MELK: variants seen among roughly 807,000 people sequenced by gnomAD.
MELK encodes maternal embryonic leucine zipper kinase, also known as pEg3 kinase.
In MELK, 81 loss-of-function variants were observed where a neutral mutation model predicts 85.0. That is an observed-to-expected ratio of 0.95 (90% CI 0.80 to 1.15). The LOEUF is 1.15. Ranked by LOEUF, MELK falls within the 50% of genes most tolerant of loss-of-function variation. MELK has a pLI of 0.00. For missense variants in MELK, 754 were observed against 777.5 expected, an observed-to-expected ratio of 0.97 and a Z score of 0.36; for synonymous variants, 252 against 265.0, an observed-to-expected ratio of 0.95 and a Z score of 0.48.
At chr9:36,623,499 A>G (rs990349353) in intron 8 of MELK, among the ~76,000 whole-genome samples, 2 of 152,210 alleles carry the variant, frequency 1.3e-5, no homozygotes, top group African/African-American at 4.8e-5. Flanking sequence ...CACAGGCCTT[A>G]TGACCCACTT....
intron 8 of MELK, among the ~76,000 whole-genome samples, chr9:36,627,524 CTTTT>C (rs150933274): frequency 7.4e-6 from 1 of 134,492 alleles, no homozygotes. Context: ...CTCTCTCTCT[CTTTT>C]TTTTTTTTTT....
chr9:36,620,690 A>G (rs558321928), intron 8 of MELK, among the ~76,000 whole-genome samples: 80 of 151,680 alleles, frequency 5.3e-4, no homozygotes, highest in Non-Finnish European at 1.0e-3. Flanking sequence ...AGCTGGGACT[A>G]CAGGTGCTCA....
chr9:36,606,402 A>G (rs574071657), intron 7 of MELK, among the ~76,000 whole-genome samples: 14 of 122,554 alleles, frequency 1.1e-4, no homozygotes, highest in Non-Finnish European at 2.1e-4. Context: ...ATACATATGT[A>G]TAGGTGTGTG....
chr9:36,592,837 G>A (rs1025700344), intron 4 of MELK, among the ~76,000 whole-genome samples: 1 of 151,816 alleles, frequency 6.6e-6, no homozygotes, highest in Non-Finnish European at 1.5e-5. Context: ...TACACATTAG[G>A]TATGCAGTTT....
At chr9:36,635,827 C>T (rs552459019) in intron 10 of MELK, among the ~76,000 whole-genome samples, 111 of 143,834 alleles carry the variant, frequency 7.7e-4, no homozygotes, top group African/African-American at 1.1e-3. Flanking sequence ...GATGGAGTCT[C>T]GCTCTGATGC....
chr9:36,619,022 G>A (rs1212488829), intron 8 of MELK, among the ~76,000 whole-genome samples: 1 of 149,740 alleles, frequency 6.7e-6, no homozygotes. Context: ...GCAGTGGCAC[G>A]ATCTCAGCTC....
intron 4 of MELK, among the ~76,000 whole-genome samples, chr9:36,592,290 C>G (rs1369864007): frequency 1.3e-5 from 2 of 151,592 alleles, no homozygotes; most frequent in Non-Finnish European, 2.9e-5. Flanking sequence ...TTTTCCTGCC[C>G]CAGCCTCCTG....
rs1295785868 is a variant in MELK at position 36,602,220 on chromosome 9, C to T, written c.567+2734C>T. Among the ~76,000 whole-genome samples, 11 of 152,078 alleles carry T rather than the reference C, an allele frequency of 7.2e-5. No individual in the cohort carries two copies. The East Asian group carries it at 7.7e-4, about 11-fold the overall frequency. On this transcript the variant is annotated intron_variant, in intron 7 of 17. Transcript: ENST00000298048. ...ACAGGAGTTTCACATGGGCTGGGCG[C>T]GGTGGCTCATGCCTGTAATCCCAGC...
chr9:36,636,728 ATTTCTTTCTTTCTTTCTTTCTTTC>A (rs74181197), intron 10 of MELK, among the ~76,000 whole-genome samples: 1 of 100,932 alleles, frequency 9.9e-6, no homozygotes, highest in African/African-American at 4.1e-5. Context: ...TAGCAACTGG[ATTTCTTTCTTTCTTTCTTTCTTTC>A]TTTCTTTCTT....
Position 36,643,006 on chromosome 9 carries a change from C to A in MELK, c.844C>A (p.Leu282Ile), listed in dbSNP as rs780373461. Residue 282 changes from leucine to isoleucine, a missense_variant, in exon 11 of 18, where the codon CTC (leucine) becomes ATC (isoleucine). Physicochemically the swap from Leu to Ile is conservative, Grantham distance 5. Transcript: ENST00000298048. ...EWQSKNPFIH[L>I]DDDCVTELSV... The stretch of plus-strand genomic sequence containing the variant: ...TAATTTTTTTTTGTAGTTTATTCAC[C>A]TCGATGATGATTGCGTAACAGAACT... 8.7e-6 allele frequency: 14 copies of A among 1,605,420 alleles called. No individual in the cohort carries two copies. Among genetic ancestry groups the A allele is most frequent in the Non-Finnish European group, 1.2e-5 (14 of 1,176,878 alleles).
chr9:36,659,261 C>T (rs1295797185), intron 13 of MELK, among the ~76,000 whole-genome samples: 1 of 152,152 alleles, frequency 6.6e-6, no homozygotes, highest in Non-Finnish European at 1.5e-5. Context: ...GGTGATCTGC[C>T]TGCCTTAGCC....
intron 4 of MELK, among the ~76,000 whole-genome samples, chr9:36,593,176 C>CTTT (rs368674596): frequency 1.3e-4 from 17 of 131,202 alleles, no homozygotes; most frequent in Admixed American, 3.1e-4. Context: ...AGAGCTTCCT[C>CTTT]TTTTTTTTTT....
At chr9:36,596,204 T>C (rs1417580198) in intron 5 of MELK, among the ~76,000 whole-genome samples, 1 of 152,198 alleles carries the variant, frequency 6.6e-6, no homozygotes, top group African/African-American at 2.4e-5. Flanking sequence ...ACAAATTGTG[T>C]TTGCTTGTAG....
intron 11 of MELK, among the ~76,000 whole-genome samples, chr9:36,643,827 G>A (rs1829984939): frequency 6.6e-6 from 1 of 151,828 alleles, no homozygotes; most frequent in South Asian, 2.1e-4. Context: ...TCAGCTACTT[G>A]GGAGGCTGAG....
intron 14 of MELK, among the ~76,000 whole-genome samples, chr9:36,666,567 T>C (rs1832353124): frequency 6.6e-6 from 1 of 152,178 alleles, no homozygotes; most frequent in Non-Finnish European, 1.5e-5. Context: ...CCCCCACCAA[T>C]TGTGACCTTC....
intron 3 of MELK, among the ~76,000 whole-genome samples, chr9:36,588,763 C>G (rs1823220566): frequency 1.3e-5 from 2 of 152,110 alleles, no homozygotes; most frequent in Non-Finnish European, 2.9e-5. Flanking sequence ...TTCAGCTTGG[C>G]TTATCTTCCT....
chr9:36,672,344 T>C (rs1363343176), intron 16 of MELK, among the ~76,000 whole-genome samples: 2 of 152,192 alleles, frequency 1.3e-5, no homozygotes, highest in African/African-American at 2.4e-5. Context: ...AAAACCATAG[T>C]ACCATTGCAC....
chr9:36,592,172 C>CTTTTTTTTTTT (rs35073009), intron 4 of MELK, among the ~76,000 whole-genome samples: 3 of 117,324 alleles, frequency 2.6e-5, no homozygotes, highest in South Asian at 2.7e-4. Flanking sequence ...CATTTCTTTT[C>CTTTTTTTTTTT]TTTTTTTTTT....
chr9:36,616,843 T>A (rs1448695930), intron 8 of MELK, among the ~76,000 whole-genome samples: 3 of 136,478 alleles, frequency 2.2e-5, no homozygotes, highest in East Asian at 2.0e-4. Flanking sequence ...TTTTTTTTTT[T>A]ACACAGATGG....
Sources: allele counts gnomAD v4.1 joint callset (sites outside exome capture counted in the v4.1 genomes callset), GRCh38; gene constraint gnomAD v4.1.1; transcripts MANE v1.5; gene names NCBI Gene and HGNC (gene_info 2026-07-23, HGNC 2026-07-21).